The following NCKAP5 variants were observed in gnomAD, a reference collection of about 807,000 sequenced individuals.
The protein encoded by NCKAP5 is NCK associated protein 5.
NCKAP5 carries 92 observed loss-of-function variants against 167.0 expected under a neutral mutation model. That is an observed-to-expected ratio of 0.55 (90% CI 0.47 to 0.66). The LOEUF is 0.66. Among genes scored for constraint, NCKAP5 ranks in the 30% least tolerant of loss-of-function variants. The pLI, the probability that NCKAP5 is intolerant of heterozygous loss-of-function variation, is 0.00. For missense variants in NCKAP5, 2,378 were observed against 2,315.0 expected (o/e 1.03, Z -0.56); for synonymous variants, 891 against 877.4 (o/e 1.02, Z -0.27).
At chr2:133,595,380 TTCC>T in the NCKAP5 span, among the ~76,000 whole-genome samples, 50,402 of 150,942 alleles carry the variant, frequency 0.33, 9,740 homozygotes, top group Middle Eastern at 0.52. Flanking sequence ...CCCCTTCTTC[TTCC>T]TCCTCCTCCT....
intron 4 of NCKAP5, among the ~76,000 whole-genome samples, chr2:133,259,389 C>T (rs1292884987): frequency 1.3e-5 from 2 of 152,162 alleles, no homozygotes; most frequent in African/African-American, 4.8e-5. Flanking sequence ...TAACTAATTA[C>T]ATATTATAAC....
At chr2:132,943,824 CTG>C (rs1382974220) in intron 8 of NCKAP5, among the ~76,000 whole-genome samples, 33 of 149,004 alleles carry the variant, frequency 2.2e-4, no homozygotes, top group Non-Finnish European at 4.1e-4. Flanking sequence ...TCAGAAACAA[CTG>C]TGTAAGAACA....
intron 16 of NCKAP5, among the ~76,000 whole-genome samples, chr2:132,750,330 T>C (rs1680007663): frequency 6.6e-6 from 1 of 152,198 alleles, no homozygotes. Context: ...AAAGATGGTA[T>C]CAAGAATATG....
intron 5 of NCKAP5, among the ~76,000 whole-genome samples, chr2:133,142,221 A>G (rs1418981481): frequency 2.0e-5 from 3 of 152,166 alleles, no homozygotes; most frequent in Non-Finnish European, 4.4e-5. Flanking sequence ...GGTTAACCAC[A>G]TCAGTCAAGG....
Position 132,976,978 on chromosome 2 carries a change from A to G in NCKAP5, c.430-13109T>C, listed in dbSNP as rs187216193. ...GATTAAAAAGCAACTGCTTCTATAA[A>G]GAAAGAATTCTTTCAGTGTTTAAAT... On this transcript the variant is annotated intron_variant, in intron 7 of 19. Coordinates refer to ENST00000409261, the MANE Select transcript of NCKAP5 (RefSeq NM_207363.3). Among the ~76,000 whole-genome samples, 851 of 152,302 alleles carry G rather than the reference A, an allele frequency of 5.6e-3. 11 individuals are homozygous for G. Among genetic ancestry groups the G allele is most frequent in the African/African-American group, 0.019 (771 of 41,562 alleles).
At chr2:133,252,093 C>T (rs141898422) in intron 4 of NCKAP5, among the ~76,000 whole-genome samples, 26 of 152,302 alleles carry the variant, frequency 1.7e-4, no homozygotes, top group African/African-American at 6.3e-4. Context: ...AAGATAGGCT[C>T]AGTGAGTTAA....
At chr2:133,550,881 A>G (rs1386525807) in intron 2 of NCKAP5, among the ~76,000 whole-genome samples, 2 of 148,752 alleles carry the variant, frequency 1.3e-5, no homozygotes, top group African/African-American at 2.5e-5. Flanking sequence ...CCTTAAGCTG[A>G]TAAGCAACTT....
At chr2:133,606,079 C>T in the NCKAP5 span, among the ~76,000 whole-genome samples, 1 of 152,128 alleles carries the variant, frequency 6.6e-6, no homozygotes, top group Non-Finnish European at 1.5e-5. Context: ...GGCTGTAGTT[C>T]TCACCTCAGC....
chr2:132,911,630 G>T (rs958184915), intron 8 of NCKAP5, among the ~76,000 whole-genome samples: 2 of 152,038 alleles, frequency 1.3e-5, no homozygotes, highest in African/African-American at 4.8e-5. Context: ...TTTTGTGTTT[G>T]TATGTGTGTA....
chr2:132,760,984 G>A (rs1301663391), intron 16 of NCKAP5, among the ~76,000 whole-genome samples: 1 of 152,124 alleles, frequency 6.6e-6, no homozygotes, highest in Admixed American at 6.5e-5. Context: ...TTAGGTCCCT[G>A]AGCCACATGA....
intron 6 of NCKAP5, chr2:133,118,350 C>A (rs971650776): frequency 6.6e-6 from 1 of 151,532 alleles, no homozygotes; most frequent in Non-Finnish European, 1.5e-5. Context: ...ACAGTATTAT[C>A]TAAGTGGAAA....
chr2:133,597,528 G>A, the NCKAP5 span, among the ~76,000 whole-genome samples: 1 of 151,970 alleles, frequency 6.6e-6, no homozygotes, highest in African/African-American at 2.4e-5. Flanking sequence ...AATTAGCTGG[G>A]TGTGGAGGCA....
chr2:133,146,234 C>T (rs1183445142), intron 5 of NCKAP5, among the ~76,000 whole-genome samples: 2 of 148,996 alleles, frequency 1.3e-5, no homozygotes, highest in Non-Finnish European at 3.0e-5. Flanking sequence ...AGATAAAATG[C>T]AACATCTAGA....
chr2:133,299,859 C>A (rs1473119050), intron 4 of NCKAP5, among the ~76,000 whole-genome samples: 1 of 151,844 alleles, frequency 6.6e-6, no homozygotes, highest in African/African-American at 2.4e-5. Context: ...AATTAAGCAC[C>A]AGCATATTTA....
intron 5 of NCKAP5, among the ~76,000 whole-genome samples, chr2:133,195,490 A>G (rs1486250078): frequency 1.3e-5 from 2 of 152,178 alleles, no homozygotes; most frequent in Non-Finnish European, 2.9e-5. Flanking sequence ...TCAAGCCACT[A>G]TCAATCACTA....
chr2:133,385,600 T>A (rs1311640556), intron 3 of NCKAP5, among the ~76,000 whole-genome samples: 1 of 152,194 alleles, frequency 6.6e-6, no homozygotes, highest in African/African-American at 2.4e-5. Context: ...TTCTATTGAT[T>A]GGAATAGTTT....
At chr2:133,441,494 T>G (rs1053209799) in intron 3 of NCKAP5, among the ~76,000 whole-genome samples, 1 of 152,204 alleles carries the variant, frequency 6.6e-6, no homozygotes, top group East Asian at 1.9e-4. Flanking sequence ...ACTGGAAGTC[T>G]TTGCAGCGTT....
chr2:133,029,141 G>A (rs988929976), intron 6 of NCKAP5, among the ~76,000 whole-genome samples: 2 of 152,026 alleles, frequency 1.3e-5, no homozygotes, highest in African/African-American at 4.8e-5. Context: ...ACAGGTTCTC[G>A]GCTATGTCCT....
intron 6 of NCKAP5, among the ~76,000 whole-genome samples, chr2:133,024,715 C>T (rs1202822632): frequency 1.4e-5 from 2 of 140,148 alleles, no homozygotes; most frequent in Non-Finnish European, 3.2e-5. Context: ...AACTGAGTAG[C>T]TTTCTAGCTT....
Sources: gnomAD v4.1 joint callset for allele counts (sites outside exome capture counted in the v4.1 genomes callset) on GRCh38, gnomAD v4.1.1 for gene constraint, MANE v1.5 for transcripts, NCBI Gene and HGNC (gene_info 2026-07-23, HGNC 2026-07-21) for gene names.